The following TFB1M variants were observed in gnomAD, a reference collection of about 807,000 sequenced individuals.
TFB1M encodes dimethyladenosine transferase 1, mitochondrial.
Under a neutral mutation model 31.1 loss-of-function variants are expected in TFB1M, and 27 were observed. That is an observed-to-expected ratio of 0.87 (90% CI 0.64 to 1.20). The LOEUF is 1.20. Ranked by LOEUF, TFB1M falls within the 50% of genes most tolerant of loss-of-function variation. The probability of loss-of-function intolerance (pLI) is 0.00; values close to 1 mark genes in which losing one functional copy is unlikely to be tolerated. For missense variants in TFB1M, 394 were observed against 418.7 expected (o/e 0.94, Z 0.51); for synonymous variants, 166 against 151.8 (o/e 1.09, Z -0.69).
chr6:155,281,655 G>C (rs2764214), intron 5 of TFB1M, among the ~76,000 whole-genome samples: 2,845 of 150,554 alleles, frequency 0.019, 70 homozygotes, highest in African/African-American at 0.049. Flanking sequence ...CCAGAAGGTG[G>C]AGGTTGCAGT....
At chr6:155,312,167 C>T (rs1299540993) in intron 1 of TFB1M, among the ~76,000 whole-genome samples, 5 of 152,128 alleles carry the variant, frequency 3.3e-5, no homozygotes, top group African/African-American at 1.2e-4. Context: ...AACATACCAG[C>T]ACTTCTTGTA....
chr6:155,234,213 G>A, the TFB1M span, among the ~76,000 whole-genome samples: 1 of 152,052 alleles, frequency 6.6e-6, no homozygotes, highest in Non-Finnish European at 1.5e-5. Flanking sequence ...TCAAGTGCCC[G>A]TGTTTTTTAT....
At position 155,297,008 on chromosome 6, in the gene TFB1M, G is replaced by A. The variant is rs1240099294; in HGVS notation, c.491C>T (p.Pro164Leu). 7.4e-6 allele frequency: 12 copies of A among 1,613,860 alleles called. No individual in the cohort carries two copies. Among genetic ancestry groups the A allele is most frequent in the Non-Finnish European group, 7.6e-6 (9 of 1,179,930 alleles). Residue 164 changes from proline to leucine, a missense_variant, in exon 4 of 7, where the codon CCT (proline) becomes CTT (leucine). Pro to Leu is a moderately conservative substitution (Grantham distance 98). This residue lies in a region of TFB1M where 273 missense variants were observed against 256.4 expected (regional missense o/e 1.06). Transcript: ENST00000367166. The part of the protein sequence containing the change: ...WLENISCRDG[P>L]FVYGRTQMTL... ...CATCTGAGTTCTGCCATAAACAAAA[G>A]GTCCATCTCTACAGGAAATATTTTC...
At chr6:155,238,340 G>A in the TFB1M span, among the ~76,000 whole-genome samples, 1 of 152,192 alleles carries the variant, frequency 6.6e-6, no homozygotes, top group Admixed American at 6.5e-5. Context: ...TCTCTAGGAA[G>A]TTCCAAACTT....
At chr6:155,277,702 G>A (rs1583334007) in intron 5 of TFB1M, among the ~76,000 whole-genome samples, 1 of 152,178 alleles carries the variant, frequency 6.6e-6, no homozygotes, top group Non-Finnish European at 1.5e-5. Context: ...GAATTAGGAA[G>A]GGGATCATTT....
At chr6:155,273,945 A>G (rs569525951) in intron 5 of TFB1M, among the ~76,000 whole-genome samples, 5 of 152,358 alleles carry the variant, frequency 3.3e-5, no homozygotes, top group African/African-American at 1.2e-4. Context: ...CAATTGTCAC[A>G]ATACATAAGA....
At chr6:155,298,086 T>C (rs888173569) in intron 3 of TFB1M, among the ~76,000 whole-genome samples, 2 of 152,240 alleles carry the variant, frequency 1.3e-5, no homozygotes, top group Non-Finnish European at 2.9e-5. Flanking sequence ...TGGTTGGTCA[T>C]TGAATGTGAA....
the TFB1M span, chr6:155,249,830 A>G: frequency 6.4e-7 from 1 of 1,557,220 alleles, no homozygotes; most frequent in Non-Finnish European, 8.8e-7. Context: ...TATGAAATAA[A>G]TATGATTTCA....
chr6:155,276,572 T>C, intron 5 of TFB1M: 1 of 509,800 alleles, frequency 2.0e-6, no homozygotes, highest in Non-Finnish European at 3.4e-6. Flanking sequence ...AGTTCTTTAT[T>C]TTTTCCATTA....
chr6:155,271,909 C>T (rs1784936400), intron 5 of TFB1M, among the ~76,000 whole-genome samples: 1 of 152,106 alleles, frequency 6.6e-6, no homozygotes, highest in Non-Finnish European at 1.5e-5. Flanking sequence ...GTTGTAACAA[C>T]AATTCCCTCC....
chr6:155,254,458 TTC>T, downstream of TFB1M: 1 of 1,614,118 alleles, frequency 6.2e-7, no homozygotes, highest in Non-Finnish European at 8.5e-7. Context: ...AGGTGATTCG[TTC>T]TATTCTGAGG....
intron 5 of TFB1M, among the ~76,000 whole-genome samples, chr6:155,274,552 G>A (rs965876925): frequency 4.6e-5 from 7 of 152,178 alleles, no homozygotes; most frequent in Admixed American, 3.3e-4. Context: ...GGCTTCATTT[G>A]GGCCAGGAAA....
intron 5 of TFB1M, among the ~76,000 whole-genome samples, chr6:155,261,400 A>G (rs1784387272): frequency 6.6e-6 from 1 of 152,068 alleles, no homozygotes; most frequent in Non-Finnish European, 1.5e-5. Context: ...CCATTGTTGA[A>G]ATCCCATAGA....
chr6:155,297,621 C>G (rs1241696895), intron 3 of TFB1M, among the ~76,000 whole-genome samples: 4 of 152,080 alleles, frequency 2.6e-5, no homozygotes, highest in Non-Finnish European at 4.4e-5. Context: ...AAAACAACCA[C>G]CAGCTAAGAA....
chr6:155,245,550 G>A, the TFB1M span: 2 of 1,208,610 alleles, frequency 1.7e-6, no homozygotes, highest in Non-Finnish European at 2.4e-6. Flanking sequence ...AAGCCATGGG[G>A]CCGTCAAATG....
intron 5 of TFB1M, chr6:155,276,175 T>G (rs760480130): frequency 2.0e-5 from 32 of 1,614,020 alleles, no homozygotes; most frequent in Middle Eastern, 3.3e-4. Context: ...ATCTGACAGT[T>G]CCAGAAAGCA....
At chr6:155,250,236 G>T in the TFB1M span, among the ~76,000 whole-genome samples, 1 of 151,634 alleles carries the variant, frequency 6.6e-6, no homozygotes, top group East Asian at 1.9e-4. Flanking sequence ...GTGGGGTGGA[G>T]AAAGGACATG....
chr6:155,296,832 T>C lies in TFB1M; in HGVS notation c.546+121A>G, dbSNP rs556833803. On this transcript the variant is annotated intron_variant, in intron 4 of 6. Transcript: ENST00000367166. ...AACTTTTGGCTGAGCTGCTGCTGGGTTCTTGTGTGTGTAATAAGATATTAA... is the reference window on the plus strand; with the variant it reads ...AACTTTTGGCTGAGCTGCTGCTGGGCTCTTGTGTGTGTAATAAGATATTAA... 63 of 961,734 alleles carry C rather than the reference T, an allele frequency of 6.6e-5. No individual in the cohort carries two copies. In the South Asian group the frequency reaches 8.1e-4, roughly 12 times the overall value. 59.6% of individuals were successfully genotyped at this position (961,734 alleles called of 1,614,324 possible).
At chr6:155,276,872 C>T (rs748248622) in intron 5 of TFB1M, among the ~76,000 whole-genome samples, 4 of 152,234 alleles carry the variant, frequency 2.6e-5, no homozygotes, top group Admixed American at 6.5e-5. Flanking sequence ...CATTCAGATG[C>T]TGCTAAAACC....
Sources: gnomAD v4.1 joint callset for allele counts (sites outside exome capture counted in the v4.1 genomes callset) on GRCh38, gnomAD v4.1.1 for gene constraint, gnomAD v4.1.1 regional missense constraint, MANE v1.5 for transcripts, NCBI Gene and HGNC (gene_info 2026-07-23, HGNC 2026-07-21) for gene names.